PXK: variants seen among roughly 807,000 people sequenced by gnomAD.
The protein encoded by PXK is PX domain containing serine/threonine kinase like.
A neutral mutation model predicts 84.7 loss-of-function variants in PXK; 35 were observed. The ratio of observed to expected loss-of-function variants is 0.41; its 90% CI spans 0.32 to 0.55. PXK has a LOEUF of 0.55. Ranked by LOEUF, PXK falls within the 20% of genes least tolerant of loss-of-function variation. The pLI, the probability that PXK is intolerant of heterozygous loss-of-function variation, is 0.21. For synonymous variants in PXK, 253 were observed against 260.8 expected (o/e 0.97, Z 0.29); for missense variants, 634 against 699.7 (o/e 0.91, Z 1.06).
chr3:58,395,186 G>A (rs1381663329), intron 8 of PXK, 84 bp downstream of exon 8: 2 of 920,148 alleles, frequency 2.2e-6, no homozygotes, highest in African/African-American at 1.7e-5. Context: ...AGACTCCAGA[G>A]GCTAGGCCCT....
In PXK at chr3:58,333,815, C is replaced by G. The variant is rs973844614; in HGVS notation, c.102+725C>G. Reference sequence around the variant, plus strand: ...TAGTAAACATTGGCAGGGTTCATTTCTGCTACATATACGGTCTTTTATGGG... The same window carrying G: ...TAGTAAACATTGGCAGGGTTCATTTGTGCTACATATACGGTCTTTTATGGG... On this transcript the variant is annotated intron_variant, in intron 1 of 17. Coordinates refer to ENST00000356151, the MANE Select transcript of PXK (RefSeq NM_017771.5). This position sits in a 1 kb window ranked among gnomAD's most constrained non-coding sequence, Gnocchi z 5.4. Among the ~76,000 whole-genome samples the G allele has an allele frequency of 6.6e-6, 1 of 151,790 alleles. No individual in the cohort carries two copies. Among genetic ancestry groups the G allele is most frequent in the Admixed American group, 6.6e-5 (1 of 15,256 alleles).
chr3:58,388,941 A>C (rs2098595100), intron 4 of PXK, among the ~76,000 whole-genome samples: 1 of 152,082 alleles, frequency 6.6e-6, no homozygotes, highest in Non-Finnish European at 1.5e-5. Context: ...GAAATTCCAC[A>C]GTGCATTTGG....
At chr3:58,336,921 T>C (rs574378065) in intron 1 of PXK, among the ~76,000 whole-genome samples, 1 of 152,264 alleles carries the variant, frequency 6.6e-6, no homozygotes, top group Non-Finnish European at 1.5e-5. Context: ...GCGATTCTTC[T>C]GCCTCAGCCT....
chr3:58,409,775 A>G lies in PXK; in HGVS notation c.1395+157A>G, dbSNP rs199575540. Among the ~76,000 whole-genome samples, 3 of 63,756 alleles carry G rather than the reference A, an allele frequency of 4.7e-5. No individual in the cohort carries two copies. The highest frequency in any genetic ancestry group is 1.5e-4 in the Admixed American group (1 of 6,772). 41.8% of individuals were successfully genotyped at this position (63,756 alleles called of 152,430 possible). A position where few individuals can be genotyped will look rare whatever the true frequency, so the allele number is the denominator to read the frequency against. On this transcript the variant is annotated intron_variant, in intron 15 of 17. Transcript: ENST00000356151. The surrounding 1 kb of genome is among the most constrained non-coding windows in gnomAD (Gnocchi z 4.2). ...TGACTGGGGTGCAGTTTTTTTGGGG[A>G]AAAAAAAAGAGTCATATGATAATCA...
rs1183134652 is a variant in PXK at position 58,395,023 on chromosome 3, T to A, written c.641T>A (p.Phe214Tyr). ...CLHPYIYRVT[F>Y]ATANESSALL... is the part of the protein sequence containing the mutation. The stretch of plus-strand genomic sequence containing the variant: ...CACCCTTACATCTATCGGGTTACCT[T>A]TGCCACAGCTAATGAATCCTCAGCG... The change falls in exon 8 of 18, where the codon TTT (phenylalanine) becomes TAT (tyrosine). Residue 214 changes from phenylalanine to tyrosine, a missense_variant. Around this residue, in one of 3 missense-constraint regions of PXK, gnomAD observed 353 missense variants for 385.2 expected, o/e 0.92. Transcript: ENST00000356151. 1 of 1,613,576 alleles carries A rather than the reference T, an allele frequency of 6.2e-7. No individual in the cohort carries two copies. The highest frequency in any genetic ancestry group is 1.7e-5 in the Admixed American group (1 of 60,024).
chr3:58,376,138 G>C (rs1275614882), intron 3 of PXK, among the ~76,000 whole-genome samples: 2 of 152,134 alleles, frequency 1.3e-5, no homozygotes, highest in African/African-American at 4.8e-5. Flanking sequence ...AGCCTGGCCG[G>C]GCGTGGTGGC....
intron 1 of PXK, among the ~76,000 whole-genome samples, chr3:58,363,416 C>T (rs2098221745): frequency 6.6e-6 from 1 of 152,158 alleles, no homozygotes; most frequent in South Asian, 2.1e-4. Context: ...GCAGTCATGA[C>T]CTTCCGGGCT....
intron 3 of PXK, among the ~76,000 whole-genome samples, chr3:58,381,062 CACG>C (rs2098495865): frequency 6.6e-6 from 1 of 151,966 alleles, no homozygotes; most frequent in Admixed American, 6.5e-5. Context: ...TCCTGGCTAA[CACG>C]GTGAAATCCC....
chr3:58,415,309 T>C (rs535416252), intron 17 of PXK, among the ~76,000 whole-genome samples: 142 of 152,370 alleles, frequency 9.3e-4, no homozygotes, highest in African/African-American at 3.1e-3. Flanking sequence ...CTGCTCTTTC[T>C]GACACCATTT....
At chr3:58,374,298 G>C (rs1255894353) in intron 3 of PXK, among the ~76,000 whole-genome samples, 1 of 151,446 alleles carries the variant, frequency 6.6e-6, no homozygotes, top group Non-Finnish European at 1.5e-5. Context: ...AGCCTCCCAA[G>C]TTGCTGGAAT....
rs765730965 is a variant in PXK at position 58,397,040 on chromosome 3, T to C, written c.824T>C (p.Val275Ala). ...IKTYGRQILE[V>A]LKFLHDKGFP... The stretch of plus-strand genomic sequence containing the variant: ...TAACTTTCCCATATGTTTTGATAGG[T>C]ACTGAAGTTTCTTCATGACAAGGGA... Residue 275 changes from valine to alanine, a missense_variant and splice_region_variant, in exon 10 of 18, where the codon GTA (valine) becomes GCA (alanine). Transcript: ENST00000356151. This position sits in a 1 kb window ranked among gnomAD's most constrained non-coding sequence, Gnocchi z 4.7. 2.5e-6 allele frequency: 4 copies of C among 1,613,822 alleles called. No individual in the cohort carries two copies. Among genetic ancestry groups the C allele is most frequent in the Non-Finnish European group, 3.4e-6 (4 of 1,179,752 alleles).
chr3:58,386,420 G>A (rs946553183), intron 4 of PXK, among the ~76,000 whole-genome samples: 13 of 145,934 alleles, frequency 8.9e-5, no homozygotes, highest in Non-Finnish European at 1.8e-4. Context: ...TCAGCCTCCC[G>A]AGTAGCTGGG....
chr3:58,369,445 C>G lies in PXK; in HGVS notation c.168C>G (p.Tyr56Ter), dbSNP rs575100361. Residue 56 changes from tyrosine (Y) to a stop codon, truncating the protein, a stop_gained, in exon 3 of 18, where the codon TAC (tyrosine) becomes TAG (stop). Coordinates refer to ENST00000356151, the MANE Select transcript of PXK (RefSeq NM_017771.5). LOFTEE classifies it high-confidence loss of function. ...GTCTCTTACAGATTGTTAGAAGATA[C>G]AGTGACTTTGATTTGCTTAACAACA... ...VENSWQIVRR[Y>*]SDFDLLNNSL... 1 of 1,609,738 alleles carries G rather than the reference C, an allele frequency of 6.2e-7. No homozygotes were observed. The highest frequency in any genetic ancestry group is 2.2e-5 in the East Asian group (1 of 44,854).
rs1216845747 is a variant in PXK at position 58,399,164 on chromosome 3, CTGTG to C, written c.1103-130_1103-127del. On this transcript the variant is annotated intron_variant, in intron 11 of 17. Transcript: ENST00000356151. The surrounding 1 kb of genome is among the most constrained non-coding windows in gnomAD (Gnocchi z 4.3). ...CCCCCACCCCACGTATGCCATCTGT[CTGTG>C]TGTGAAGATTTTTGACACTGTCCTG... The C allele has an allele frequency of 1.1e-5, 8 of 735,274 alleles. No homozygotes were observed. Among genetic ancestry groups the C allele is most frequent in the Admixed American group, 2.1e-5 (1 of 48,738 alleles). 45.5% of individuals were successfully genotyped at this position (735,274 alleles called of 1,614,324 possible).
At chr3:58,382,270 C>T (rs1018986603) in intron 3 of PXK, among the ~76,000 whole-genome samples, 8 of 152,202 alleles carry the variant, frequency 5.3e-5, no homozygotes, top group African/African-American at 1.9e-4. Flanking sequence ...GAGCCAAAAT[C>T]GCACCACTGC....
At chr3:58,334,951 G>GTC (rs1235682367) in intron 1 of PXK, among the ~76,000 whole-genome samples, 35 of 125,400 alleles carry the variant, frequency 2.8e-4, no homozygotes, top group East Asian at 1.3e-3. Context: ...GTGTGTGTGT[G>GTC]TGTGTGTCTG....
chr3:58,395,766 G>C lies in PXK; in HGVS notation c.822+7G>C. On this transcript the variant is annotated splice_region_variant and intron_variant, in intron 9 of 17. Transcript: ENST00000356151. ...TGGACGGCAAATATTAGAGGTAAGA[G>C]GTACTTTTGTTTAAGTTGCATTCAG... The C allele has an allele frequency of 6.3e-7, 1 of 1,594,238 alleles. No homozygotes were observed. The highest frequency in any genetic ancestry group is 8.6e-7 in the Non-Finnish European group (1 of 1,165,280).
intron 1 of PXK, among the ~76,000 whole-genome samples, chr3:58,340,525 G>A (rs2097711351): frequency 6.6e-6 from 1 of 151,532 alleles, no homozygotes; most frequent in Non-Finnish European, 1.5e-5. Flanking sequence ...TCAGGAGTTT[G>A]TGACCAGCCT....
chr3:58,368,607 C>A (rs2098314769), intron 2 of PXK, among the ~76,000 whole-genome samples: 1 of 152,194 alleles, frequency 6.6e-6, no homozygotes, highest in African/African-American at 2.4e-5. Context: ...CAGTCACAAG[C>A]CACTGTGCCC....
Sources: gnomAD v4.1 joint callset for allele counts (sites outside exome capture counted in the v4.1 genomes callset) on GRCh38, gnomAD v4.1.1 for gene constraint, gnomAD v4.1.1 regional missense constraint, Gnocchi (gnomAD v3.1) non-coding constraint, MANE v1.5 for transcripts, NCBI Gene and HGNC (gene_info 2026-07-23, HGNC 2026-07-21) for gene names.